The following SH3PXD2A variants were observed in gnomAD, a reference collection of about 807,000 sequenced individuals.
SH3PXD2A encodes the protein SH3 and PX domain-containing protein 2A.
A neutral mutation model predicts 115.2 loss-of-function variants in SH3PXD2A; 32 were observed. The observed-to-expected ratio is 0.28, with a 90% CI of 0.21 to 0.37. The LOEUF (loss-of-function observed/expected upper bound fraction) is 0.37. SH3PXD2A is among the 10% of genes least tolerant of loss of function. SH3PXD2A has a pLI of 1.00. For missense variants in SH3PXD2A, 1,328 were observed against 1,498.7 expected, an observed-to-expected ratio of 0.89 and a Z score of 1.88; for synonymous variants, 610 against 629.1, an observed-to-expected ratio of 0.97 and a Z score of 0.45.
In SH3PXD2A at chr10:103,622,562, G is replaced by C; in HGVS notation, c.719-9C>G. Reference sequence around the variant, plus strand: ...CTTGCGTCTCTTGGACACTGGTGTGGGAGATGGCGATGGAGCATGCGGCCA... The same window carrying C: ...CTTGCGTCTCTTGGACACTGGTGTGCGAGATGGCGATGGAGCATGCGGCCA... On this transcript the variant is annotated splice_polypyrimidine_tract_variant and intron_variant, in intron 9 of 14. Coordinates refer to ENST00000369774, the MANE Select transcript of SH3PXD2A (RefSeq NM_001394015.1). 6.5e-7 allele frequency: 1 copy of C among 1,546,142 alleles called. No homozygotes were observed. The highest frequency in any genetic ancestry group is 8.7e-7 in the Non-Finnish European group (1 of 1,143,150).
chr10:103,650,182 AGCAGCTCAGCAGCGGC>A (rs2037098453), intron 8 of SH3PXD2A, among the ~76,000 whole-genome samples: 3 of 152,020 alleles, frequency 2.0e-5, no homozygotes, highest in Admixed American at 1.3e-4. Context: ...CAGCAGCGGC[AGCAGCTCAGCAGCGGC>A]AGCAGCTGGA....
chr10:103,800,608 C>A (rs1466105516), intron 2 of SH3PXD2A, among the ~76,000 whole-genome samples: 1 of 152,188 alleles, frequency 6.6e-6, no homozygotes, highest in Admixed American at 6.5e-5. Flanking sequence ...CCAATCACAT[C>A]TCCTTTGTGT....
chr10:103,758,930 T>C (rs7923396), intron 3 of SH3PXD2A, among the ~76,000 whole-genome samples: 85,994 of 152,068 alleles, frequency 0.57, 24,856 homozygotes, highest in African/African-American at 0.69. Flanking sequence ...CAACCTCTCT[T>C]CCTTGGGGGT....
chr10:103,754,947 A>G (rs1447918385), intron 3 of SH3PXD2A: 1 of 152,188 alleles, frequency 6.6e-6, no homozygotes, highest in Admixed American at 6.5e-5. Flanking sequence ...AAGGGCTCTG[A>G]TGGACCTTCA....
intron 8 of SH3PXD2A, among the ~76,000 whole-genome samples, chr10:103,651,108 G>A (rs1373426766): frequency 1.3e-5 from 2 of 152,178 alleles, no homozygotes; most frequent in African/African-American, 2.4e-5. Context: ...TTCCTTAGGG[G>A]GTTTGTGTTT....
intron 5 of SH3PXD2A, among the ~76,000 whole-genome samples, chr10:103,698,489 G>A (rs746508786): frequency 5.9e-5 from 9 of 152,336 alleles, no homozygotes; most frequent in East Asian, 3.9e-4. Context: ...TCAAGAGGCC[G>A]GCTGGGCTGC....
chr10:103,692,953 C>A (rs2037776244), intron 6 of SH3PXD2A, 75 bp downstream of exon 6: 2 of 1,274,266 alleles, frequency 1.6e-6, no homozygotes, highest in African/African-American at 2.9e-5. Flanking sequence ...CCAAGAAGTC[C>A]TCTGCAGGAT....
intron 5 of SH3PXD2A, among the ~76,000 whole-genome samples, chr10:103,694,575 C>A (rs1410033119): frequency 6.6e-6 from 1 of 152,210 alleles, no homozygotes; most frequent in Non-Finnish European, 1.5e-5. Context: ...CTCTCCCCTT[C>A]CTTCCCCATC....
At chr10:103,655,541 G>A (rs991918318) in intron 8 of SH3PXD2A, among the ~76,000 whole-genome samples, 6 of 152,054 alleles carry the variant, frequency 3.9e-5, no homozygotes, top group Non-Finnish European at 8.8e-5. Flanking sequence ...GGGAGGCCGA[G>A]GTAGGTGGAT....
Position 103,594,477 on chromosome 10 carries a change from C to G in SH3PXD2A, c.*7339G>C, listed in dbSNP as rs183151856. 1 of 152,362 alleles carries G rather than the reference C, an allele frequency of 6.6e-6. No homozygotes were observed. Among genetic ancestry groups the G allele is most frequent in the East Asian group, 1.9e-4 (1 of 5,182 alleles). The allele number at this position is 152,362 out of a possible 1,614,324, so 9.4% of individuals were successfully genotyped here. ...GGAGGGGAATTCCATGAGGAATTCT[C>G]CAAGGTTCTGGAGCTCCAGAGACAT... On this transcript the variant is annotated 3_prime_UTR_variant, in exon 15 of 15. Coordinates refer to ENST00000369774, the MANE Select transcript of SH3PXD2A (RefSeq NM_001394015.1).
intron 1 of SH3PXD2A, among the ~76,000 whole-genome samples, chr10:103,827,108 C>CTG: frequency 1.3e-5 from 2 of 152,112 alleles, no homozygotes; most frequent in Non-Finnish European, 2.9e-5. Context: ...TTGAATAAAT[C>CTG]AGCCAGGGAG....
intron 1 of SH3PXD2A, among the ~76,000 whole-genome samples, chr10:103,854,660 TC>T (rs1162127593): frequency 1.3e-5 from 2 of 152,078 alleles, no homozygotes; most frequent in Non-Finnish European, 2.9e-5. Flanking sequence ...ATGAGGGAAA[TC>T]AAAGCTTAGC....
At chr10:103,661,221 C>A in intron 7 of SH3PXD2A, 107 bp from the exon 8 acceptor site, 1 of 1,357,096 alleles carries the variant, frequency 7.4e-7, no homozygotes, top group Non-Finnish European at 9.8e-7. Context: ...CTGTCGCCAG[C>A]GCCGCTCCCA....
chr10:103,789,558 A>ACACACACACAC (rs1564889466), intron 2 of SH3PXD2A, among the ~76,000 whole-genome samples: 17 of 134,228 alleles, frequency 1.3e-4, no homozygotes, highest in African/African-American at 4.8e-4. Context: ...CACACACACA[A>ACACACACACAC]CACTCACCTG....
At chr10:103,732,818 G>A (rs2038337456) in intron 4 of SH3PXD2A, among the ~76,000 whole-genome samples, 1 of 152,242 alleles carries the variant, frequency 6.6e-6, no homozygotes. Context: ...CGTAGACAAA[G>A]GCAGGTAGAG....
intron 6 of SH3PXD2A, among the ~76,000 whole-genome samples, chr10:103,685,355 A>AAC (rs1357610279): frequency 6.6e-6 from 1 of 151,388 alleles, no homozygotes; most frequent in African/African-American, 2.4e-5. Context: ...AAAAAAAAAA[A>AAC]AAAAAAAGAG....
At chr10:103,771,835 C>T (rs1232421587) in intron 2 of SH3PXD2A, among the ~76,000 whole-genome samples, 1 of 151,852 alleles carries the variant, frequency 6.6e-6, no homozygotes, top group Non-Finnish European at 1.5e-5. Context: ...TCACAACCTT[C>T]AACATGCATC....
At chr10:103,671,506 A>G (rs1038459679) in intron 6 of SH3PXD2A, among the ~76,000 whole-genome samples, 1 of 152,148 alleles carries the variant, frequency 6.6e-6, no homozygotes, top group African/African-American at 2.4e-5. Flanking sequence ...TCTCTAAAAC[A>G]TGATTTATTT....
At chr10:103,678,281 G>C in intron 6 of SH3PXD2A, 1 of 529,792 alleles carries the variant, frequency 1.9e-6, no homozygotes, top group South Asian at 1.5e-5. Flanking sequence ...TGAGCGCTGA[G>C]ATGCCACGTA....
Sources: allele counts gnomAD v4.1 joint callset (sites outside exome capture counted in the v4.1 genomes callset), GRCh38; gene constraint gnomAD v4.1.1; transcripts MANE v1.5; gene names NCBI Gene and HGNC (gene_info 2026-07-23, HGNC 2026-07-21).